Variants in NLGN4X observed in about 807,000 individuals in gnomAD.
The protein encoded by NLGN4X is neuroligin 4 X-linked.
NLGN4X carries 3 observed loss-of-function variants against 40.3 expected under a neutral mutation model. The observed-to-expected ratio is 0.07, with a 90% confidence interval of 0.03 to 0.19. The LOEUF is 0.19. Ranked by LOEUF, NLGN4X falls within the 10% of genes least tolerant of loss-of-function variation. The pLI is 1.00. For synonymous variants in NLGN4X, 270 were observed against 306.8 expected (o/e 0.88, Z 1.25); for missense variants, 382 against 708.3 (o/e 0.54, Z 5.23).
intron 1 of NLGN4X, among the ~76,000 whole-genome samples, chrX:6,220,510 G>C (rs1925561939): frequency 9.4e-6 from 1 of 106,034 alleles, no homozygotes; most frequent in South Asian, 4.5e-4. Flanking sequence ...AGAGAGGGTA[G>C]AATTTTGTCA....
At chrX:5,904,816 T>C (rs2032089070) in intron 4 of NLGN4X, among the ~76,000 whole-genome samples, 1 of 111,904 alleles carries the variant, frequency 8.9e-6, no homozygotes, top group Non-Finnish European at 1.9e-5. Flanking sequence ...AGGCATTCAG[T>C]TGTGAGTCCA....
chrX:6,058,043 C>T (rs188722621), intron 2 of NLGN4X, among the ~76,000 whole-genome samples: 1 of 111,077 alleles, frequency 9.0e-6, no homozygotes, highest in African/African-American at 3.3e-5. Flanking sequence ...AAACACATTG[C>T]AATTTTTCAG....
rs180754272 is a variant in NLGN4X at position 6,148,263 on chromosome X, G to A, written c.472+2732C>T. Among the ~76,000 whole-genome samples the A allele has an allele frequency of 5.7e-3, 640 of 111,776 alleles. 6 individuals are homozygous for A. Among genetic ancestry groups the A allele is most frequent in the African/African-American group, 0.018 (566 of 30,793 alleles). ...AGCTAAACAAAAAAAGTAGATTTTT[G>A]CTGTTGTTATTGTTTAGATTTGTCT... On this transcript the variant is annotated intron_variant, in intron 2 of 5. Transcript: ENST00000381095.
intron 1 of NLGN4X, among the ~76,000 whole-genome samples, chrX:6,224,991 TATATATATATATATATATATACAC>T (rs1569308823): frequency 3.9e-5 from 2 of 51,626 alleles, no homozygotes; most frequent in African/African-American, 1.7e-4. Flanking sequence ...TATATATATA[TATATATATATATATATATATACAC>T]ACACACACAC....
chrX:5,919,317 TTC>T (rs1207818838), intron 3 of NLGN4X, among the ~76,000 whole-genome samples: 2 of 111,734 alleles, frequency 1.8e-5, no homozygotes, highest in Non-Finnish European at 3.8e-5. Flanking sequence ...AGCTTCCAGT[TTC>T]TGTCTTATAA....
chrX:5,918,887 G>A (rs1002649306), intron 3 of NLGN4X, among the ~76,000 whole-genome samples: 1 of 111,818 alleles, frequency 8.9e-6, no homozygotes, highest in Admixed American at 9.5e-5. Context: ...CTAAGCAGGA[G>A]GGATGTTTGA....
At chrX:6,009,185 C>A (rs1414371877) in intron 3 of NLGN4X, among the ~76,000 whole-genome samples, 2 of 111,918 alleles carry the variant, frequency 1.8e-5, no homozygotes, top group East Asian at 5.6e-4. Flanking sequence ...TTGTGAATAA[C>A]ATGGTTAAGG....
chrX:6,077,250 T>C (rs1439541222), intron 2 of NLGN4X, among the ~76,000 whole-genome samples: 8 of 109,218 alleles, frequency 7.3e-5, no homozygotes, highest in Non-Finnish European at 1.5e-4. Flanking sequence ...ATCAATGTTA[T>C]TACATTCCAA....
At chrX:6,187,817 T>C (rs41309675) in intron 1 of NLGN4X, 9,748 of 111,344 alleles carry the variant, frequency 0.088, 325 homozygotes, top group South Asian at 0.16. Context: ...AGGAAATTAG[T>C]TTTGCAGAAT....
chrX:6,094,646 G>A (rs1334679314), intron 2 of NLGN4X, among the ~76,000 whole-genome samples: 1 of 111,174 alleles, frequency 9.0e-6, no homozygotes, highest in Non-Finnish European at 1.9e-5. Flanking sequence ...GTTATGGGGT[G>A]GGGGGATACT....
chrX:5,900,560 CTTTTTTTTTTT>C (rs1163973694), intron 5 of NLGN4X, among the ~76,000 whole-genome samples: 1 of 45,585 alleles, frequency 2.2e-5, no homozygotes, highest in African/African-American at 8.5e-5. Context: ...GTTTTTGGTG[CTTTTTTTTTTT>C]TTTTTTTTTT....
chrX:6,189,521 T>G (rs142220896), intron 1 of NLGN4X, among the ~76,000 whole-genome samples: 39 of 112,405 alleles, frequency 3.5e-4, no homozygotes, highest in African/African-American at 1.2e-3. Context: ...TAAGTGCATA[T>G]GGTAAAACAA....
chrX:6,049,232 G>GA (rs2037409200), intron 2 of NLGN4X, among the ~76,000 whole-genome samples: 1 of 1,066 alleles, frequency 9.4e-4, no homozygotes, highest in African/African-American at 1.8e-3. Context: ...CAGGAAAGGG[G>GA]AGGGGAGGGG....
intron 1 of NLGN4X, among the ~76,000 whole-genome samples, chrX:6,213,802 CCTT>C (rs1322235533): frequency 8.9e-6 from 1 of 111,932 alleles, no homozygotes; most frequent in Non-Finnish European, 1.9e-5. Context: ...ATAATCAGCA[CCTT>C]CTTTTAATCC....
At position 6,036,123 on chromosome X, in the gene NLGN4X, G is replaced by C. The variant is rs2036996609; in HGVS notation, c.473-6691C>G. Reference sequence around the variant, plus strand: ...GTCTAAATTTATACCCATGTGAGTTGCCTGCTATCTTGATTACTATATCTT... The same window carrying C: ...GTCTAAATTTATACCCATGTGAGTTCCCTGCTATCTTGATTACTATATCTT... On this transcript the variant is annotated intron_variant, in intron 2 of 5. Coordinates refer to ENST00000381095, the MANE Select transcript of NLGN4X (RefSeq NM_181332.3). Among the ~76,000 whole-genome samples, 4 of 111,471 alleles carry C rather than the reference G, an allele frequency of 3.6e-5. No individual in the cohort carries two copies. In the South Asian group the frequency reaches 1.5e-3, roughly 42 times the overall value.
At chrX:6,027,878 G>T (rs1602090895) in intron 3 of NLGN4X, among the ~76,000 whole-genome samples, 1 of 107,524 alleles carries the variant, frequency 9.3e-6, no homozygotes, top group Non-Finnish European at 1.9e-5. Context: ...GTGCAATGGC[G>T]CTATCTCTGC....
intron 2 of NLGN4X, among the ~76,000 whole-genome samples, chrX:6,070,571 C>G (rs1209848115): frequency 8.9e-6 from 1 of 111,756 alleles, no homozygotes; most frequent in Non-Finnish European, 1.9e-5. Context: ...TAGTGAGACC[C>G]CATCTCTACA....
At chrX:6,143,923 T>C (rs2039997808) in intron 2 of NLGN4X, among the ~76,000 whole-genome samples, 1 of 112,113 alleles carries the variant, frequency 8.9e-6, no homozygotes, top group African/African-American at 3.2e-5. Flanking sequence ...CTGCCACCAT[T>C]TTCTAATTTG....
intron 1 of NLGN4X, among the ~76,000 whole-genome samples, chrX:6,205,813 G>A (rs1923987356): frequency 8.9e-6 from 1 of 112,061 alleles, no homozygotes; most frequent in Non-Finnish European, 1.9e-5. Flanking sequence ...TAGATGTCTT[G>A]CAGTGTGTAA....
Sources: gnomAD v4.1 joint callset for allele counts (sites outside exome capture counted in the v4.1 genomes callset) on GRCh38, gnomAD v4.1.1 for gene constraint, MANE v1.5 for transcripts, NCBI Gene and HGNC (gene_info 2026-07-23, HGNC 2026-07-21) for gene names.